Variants in MAP2 observed in about 807,000 individuals in gnomAD.
MAP2 encodes microtubule associated protein 2.
MAP2 carries 14 observed loss-of-function variants against 137.6 expected under a neutral mutation model. The observed-to-expected ratio is 0.10, with a 90% confidence interval of 0.07 to 0.16. MAP2 has a LOEUF of 0.16. MAP2 is among the 10% of genes least tolerant of loss of function. MAP2 has a pLI of 1.00. For missense variants in MAP2, 2,088 were observed against 2,191.5 expected (o/e 0.95, Z 0.94); for synonymous variants, 786 against 782.3 (o/e 1.00, Z -0.08).
chr2:209,599,396 A>G (rs2082333139), intron 3 of MAP2, among the ~76,000 whole-genome samples: 1 of 152,058 alleles, frequency 6.6e-6, no homozygotes, highest in African/African-American at 2.4e-5. Context: ...AGCATACCTA[A>G]CTGACATCCC....
At chr2:209,715,802 T>C (rs989038434) in intron 13 of MAP2, among the ~76,000 whole-genome samples, 3 of 152,258 alleles carry the variant, frequency 2.0e-5, no homozygotes, top group Non-Finnish European at 4.4e-5. Flanking sequence ...GTGTGACTGA[T>C]GCCACATACA....
At chr2:209,452,075 A>G (rs763633136) in intron 1 of MAP2, among the ~76,000 whole-genome samples, 9 of 152,186 alleles carry the variant, frequency 5.9e-5, no homozygotes, top group Non-Finnish European at 1.3e-4. Flanking sequence ...CTAATTGAGG[A>G]CCCAAAAGAA....
At position 209,693,744 on chromosome 2, in the gene MAP2, C is replaced by G. The variant is rs550242350; in HGVS notation, c.1574C>G (p.Ser525Cys). 6.2e-7 allele frequency: 1 copy of G among 1,613,404 alleles called. No individual in the cohort carries two copies. The highest frequency in any genetic ancestry group is 8.5e-7 in the Non-Finnish European group (1 of 1,179,884). ...CTGGAGAAAGCCATGACCGAACCATCTGCATTAATTGAAAAGAGCTCAATT... is the reference window on the plus strand; with the variant it reads ...CTGGAGAAAGCCATGACCGAACCATGTGCATTAATTGAAAAGAGCTCAATT... ...KTLEKAMTEP[S>C]ALIEKSSIQE... is the part of the protein sequence containing the mutation. The change falls in exon 8 of 16, where the codon TCT becomes TGT. Residue 525 changes from serine (S) to cysteine (C), a missense_variant. This residue lies in a region of MAP2 where 859 missense variants were observed against 794.5 expected (regional missense o/e 1.08). Transcript: ENST00000682079.
chr2:209,666,238 C>G (rs1047842561), intron 5 of MAP2, among the ~76,000 whole-genome samples: 3 of 152,084 alleles, frequency 2.0e-5, no homozygotes, highest in African/African-American at 7.2e-5. Flanking sequence ...AAATATTGCA[C>G]TAACTTGGTG....
intron 3 of MAP2, among the ~76,000 whole-genome samples, chr2:209,621,440 A>T (rs1580975285): frequency 1.3e-5 from 2 of 151,026 alleles, no homozygotes; most frequent in Admixed American, 1.3e-4. Context: ...TGTATTTTTA[A>T]TAGAGAGGGG....
chr2:209,470,817 G>A (rs937431515), intron 1 of MAP2, among the ~76,000 whole-genome samples: 1 of 151,952 alleles, frequency 6.6e-6, no homozygotes, highest in Non-Finnish European at 1.5e-5. Context: ...CCTTTTTGAG[G>A]GCAAAAACCA....
chr2:209,708,409 C>G (rs949874311), intron 12 of MAP2, among the ~76,000 whole-genome samples: 9 of 152,140 alleles, frequency 5.9e-5, no homozygotes, highest in African/African-American at 1.9e-4. Flanking sequence ...AGGGCACTTT[C>G]ATTTGATACT....
chr2:209,662,777 T>G (rs2044264538), intron 5 of MAP2, among the ~76,000 whole-genome samples: 1 of 152,064 alleles, frequency 6.6e-6, no homozygotes, highest in African/African-American at 2.4e-5. Context: ...TTGTTTTGGT[T>G]AGGATTATGC....
In MAP2 at chr2:209,491,320, A is replaced by T. The variant is rs377317758; in HGVS notation, c.-221-16272A>T. Among the ~76,000 whole-genome samples, 487 of 152,360 alleles carry T rather than the reference A, an allele frequency of 3.2e-3. 7 individuals carry two copies. Among genetic ancestry groups the T allele is most frequent in the South Asian group, 0.03 (146 of 4,834 alleles). On this transcript the variant is annotated intron_variant, in intron 1 of 15. Coordinates refer to ENST00000682079, the MANE Select transcript of MAP2 (RefSeq NM_001375505.1). The stretch of plus-strand genomic sequence containing the variant: ...CAGTGTTTAGAGGGAAATTTATAGC[A>T]CTAAATGCCCACAGGACAAAGTGGG...
intron 1 of MAP2, among the ~76,000 whole-genome samples, chr2:209,460,759 G>A (rs1275583490): frequency 6.6e-6 from 1 of 151,700 alleles, no homozygotes; most frequent in Non-Finnish European, 1.5e-5. Context: ...TTTGGTTGTT[G>A]TTTTTTTGAG....
chr2:209,434,377 G>A (rs991597827), intron 1 of MAP2, among the ~76,000 whole-genome samples: 5 of 151,686 alleles, frequency 3.3e-5, no homozygotes, highest in Non-Finnish European at 7.4e-5. Flanking sequence ...CATAATTTAG[G>A]AGAAATTAAT....
chr2:209,566,945 G>A (rs76029651), intron 2 of MAP2, among the ~76,000 whole-genome samples: 9 of 152,058 alleles, frequency 5.9e-5, no homozygotes, highest in East Asian at 3.9e-4. Context: ...AAGCATCCCC[G>A]TGCCACTAGA....
chr2:209,621,551 G>A (rs183181513), intron 3 of MAP2, among the ~76,000 whole-genome samples: 60 of 152,098 alleles, frequency 3.9e-4, no homozygotes, highest in Admixed American at 3.7e-3. Flanking sequence ...GAGCCACCAC[G>A]CCCGACTGAT....
At chr2:209,722,823 A>G (rs1299344606) in intron 13 of MAP2, among the ~76,000 whole-genome samples, 1 of 152,194 alleles carries the variant, frequency 6.6e-6, no homozygotes. Context: ...GCTGGCCTCA[A>G]TCAAGGCCTG....
Position 209,593,634 on chromosome 2 carries a change from AATATATATAT to A in MAP2, c.-107+13565_-107+13574del, listed in dbSNP as rs58330460. Reference sequence around the variant, plus strand: ...CCTGTCTCTACAAAAAAAAAAAAAAAATATATATATATATATATATATATATATATATATA... The same window carrying A: ...CCTGTCTCTACAAAAAAAAAAAAAAAATATATATATATATATATATATATA... On this transcript the variant is annotated intron_variant, in intron 3 of 15. Coordinates refer to ENST00000682079, the MANE Select transcript of MAP2 (RefSeq NM_001375505.1). Among the ~76,000 whole-genome samples, 86 of 33,600 alleles carry A rather than the reference AATATATATAT, an allele frequency of 2.6e-3. 1 individual carries two copies. The highest frequency in any genetic ancestry group is 6.2e-3 in the African/African-American group (49 of 7,920). The allele number at this position is 33,600 out of a possible 152,430, so 22.0% of individuals were successfully genotyped here.
chr2:209,662,975 T>C (rs1179953670), intron 5 of MAP2, among the ~76,000 whole-genome samples: 1 of 146,158 alleles, frequency 6.8e-6, no homozygotes, highest in African/African-American at 2.7e-5. Flanking sequence ...TATACACACA[T>C]ATATATATTC....
chr2:209,460,840 C>T lies in MAP2; in HGVS notation c.-222+36564C>T, dbSNP rs192745624. Among the ~76,000 whole-genome samples, 87 of 151,938 alleles carry T rather than the reference C, an allele frequency of 5.7e-4. 2 individuals carry two copies. In the East Asian group the frequency reaches 0.014, roughly 24 times the overall value. ...CTTGGCTCACTGCAACCTCTGCCTC[C>T]CGGGTTCAAGTGATTCTCCTGCCTC... On this transcript the variant is annotated intron_variant, in intron 1 of 15. Transcript: ENST00000682079.
At chr2:209,606,926 A>T (rs2084972022) in intron 3 of MAP2, among the ~76,000 whole-genome samples, 1 of 152,224 alleles carries the variant, frequency 6.6e-6, no homozygotes, top group Non-Finnish European at 1.5e-5. Flanking sequence ...TATTAAATAT[A>T]TCATTTTCTG....
At chr2:209,674,001 A>T (rs957633882) in intron 5 of MAP2, among the ~76,000 whole-genome samples, 3 of 151,822 alleles carry the variant, frequency 2.0e-5, no homozygotes, top group Non-Finnish European at 4.4e-5. Context: ...GCTGGATGGA[A>T]TCTTGAGCAG....
Sources: gnomAD v4.1 joint callset for allele counts (sites outside exome capture counted in the v4.1 genomes callset) on GRCh38, gnomAD v4.1.1 for gene constraint, gnomAD v4.1.1 regional missense constraint, MANE v1.5 for transcripts, NCBI Gene and HGNC (gene_info 2026-07-23, HGNC 2026-07-21) for gene names.